LAMA3: variants seen among roughly 807,000 people sequenced by gnomAD.
LAMA3 encodes the protein laminin subunit alpha-3.
LAMA3 carries 281 observed loss-of-function variants against 402.0 expected under a neutral mutation model. The ratio of observed to expected loss-of-function variants is 0.70; its 90% CI spans 0.63 to 0.77. The LOEUF (loss-of-function observed/expected upper bound fraction) is 0.77, where lower values mean the gene tolerates loss of function less well. Among genes scored for constraint, LAMA3 ranks in the 30% least tolerant of loss-of-function variants. The pLI, the probability that LAMA3 is intolerant of heterozygous loss-of-function variation, is 0.00. For synonymous variants in LAMA3, 1,431 were observed against 1,558.4 expected (o/e 0.92, Z 1.93); for missense variants, 3,840 against 4,215.5 (o/e 0.91, Z 2.47).
chr18:23,833,936 A>C lies in LAMA3; in HGVS notation c.2932A>C (p.Ser978Arg), dbSNP rs889704367. The C allele has an allele frequency of 6.2e-6, 10 of 1,614,096 alleles. No homozygotes were observed. The highest frequency in any genetic ancestry group is 1.1e-5 in the South Asian group (1 of 91,090). Residue 978 changes from serine to arginine, a missense_variant, in exon 24 of 75, where the codon AGC becomes CGC. This residue lies in a region of LAMA3 where 2,109 missense variants were observed against 2,376.0 expected (regional missense o/e 0.89). Coordinates refer to ENST00000313654, the MANE Select transcript of LAMA3 (RefSeq NM_198129.4). Reference protein sequence around the residue: ...QLFVVDVNVKSSGSVLAGQVN... With the variant: ...QLFVVDVNVKRSGSVLAGQVN... ...GTTTGTGGTTGATGTGAATGTGAAG[A>C]GCTCCGGGTCTGTTCTGGCAGGCCA...
chr18:23,695,796 CAAAAAAAAAAAAAAAAAAAAAAAA>C (rs58873998), intron 1 of LAMA3, among the ~76,000 whole-genome samples: 23 of 38,620 alleles, frequency 6.0e-4, no homozygotes, highest in African/African-American at 3.4e-4. Context: ...GACTCCATCT[CAAAAAAAAAAAAAAAAAAAAAAAA>C]AAAAAAAAAA....
intron 40 of LAMA3, among the ~76,000 whole-genome samples, chr18:23,883,153 G>C (rs895252232): frequency 3.9e-5 from 6 of 152,134 alleles, no homozygotes; most frequent in African/African-American, 1.4e-4. Flanking sequence ...GAGCAACCAG[G>C]ACCCAGATCC....
chr18:23,712,791 G>C (rs931063684), intron 1 of LAMA3, among the ~76,000 whole-genome samples: 4 of 151,206 alleles, frequency 2.6e-5, no homozygotes, highest in Non-Finnish European at 5.9e-5. Context: ...GCTAGGGGCA[G>C]AGCTACCTCT....
rs2081782750 is a variant in LAMA3, at chr18:23,920,200, A to G, written c.7924-735A>G. Among the ~76,000 whole-genome samples the G allele has an allele frequency of 2.0e-5, 3 of 152,166 alleles. No homozygotes were observed. The South Asian group carries it at 6.2e-4, about 32-fold the overall frequency. ...CGCATGCACCTGGTATAATGGAAGA[A>G]GAGGCAGGCTTGGCAGCCTGTAGGA... On this transcript the variant is annotated intron_variant, in intron 60 of 74. Coordinates refer to ENST00000313654, the MANE Select transcript of LAMA3 (RefSeq NM_198129.4).
chr18:23,896,807 A>G (rs908511945), intron 44 of LAMA3, among the ~76,000 whole-genome samples: 2 of 152,192 alleles, frequency 1.3e-5, no homozygotes, highest in African/African-American at 4.8e-5. Context: ...CTAAACTGCC[A>G]AAGTAAGACC....
chr18:23,715,980 T>C (rs576391487), intron 2 of LAMA3, among the ~76,000 whole-genome samples: 1 of 152,262 alleles, frequency 6.6e-6, no homozygotes, highest in Admixed American at 6.5e-5. Context: ...AAATTAGACC[T>C]CTCCTGAGAA....
chr18:23,711,904 T>C (rs1598625600), intron 1 of LAMA3, among the ~76,000 whole-genome samples: 1 of 152,216 alleles, frequency 6.6e-6, no homozygotes, highest in East Asian at 1.9e-4. Flanking sequence ...ATGTAAATCA[T>C]AAGCATTCCC....
At chr18:23,935,353 G>T (rs1246532633) in intron 67 of LAMA3, among the ~76,000 whole-genome samples, 4 of 152,242 alleles carry the variant, frequency 2.6e-5, no homozygotes, top group African/African-American at 9.6e-5. Context: ...GCAGAAATTT[G>T]GTGGGAGACT....
At chr18:23,783,962 G>A (rs1391485110) in intron 11 of LAMA3, 61 bp from the exon 12 acceptor site, 58 of 1,596,544 alleles carry the variant, frequency 3.6e-5, no homozygotes, top group Non-Finnish European at 4.8e-5. Flanking sequence ...TAGGGGAAGG[G>A]AGAAATTAAG....
intron 74 of LAMA3, among the ~76,000 whole-genome samples, 160 bp downstream of exon 74, chr18:23,953,269 C>G (rs2082984099): frequency 6.6e-6 from 1 of 151,086 alleles, no homozygotes; most frequent in African/African-American, 2.4e-5. Flanking sequence ...GAGCACTTGT[C>G]AGGTCAGCCC....
At chr18:23,695,800 A>C (rs1247304620) in intron 1 of LAMA3, among the ~76,000 whole-genome samples, 3 of 31,756 alleles carry the variant, frequency 9.4e-5, no homozygotes, top group Non-Finnish European at 3.0e-4. Flanking sequence ...CCATCTCAAA[A>C]AAAAAAAAAA....
At chr18:23,815,338 A>T in intron 16 of LAMA3, 98 bp downstream of exon 16, 1 of 1,356,998 alleles carries the variant, frequency 7.4e-7, no homozygotes, top group Non-Finnish European at 1.1e-6. Context: ...GTCATTCTAC[A>T]GTGCATGGTA....
Position 23,846,317 on chromosome 18 carries a change from T to A in LAMA3, c.3740T>A (p.Phe1247Tyr), listed in dbSNP as rs1395513584. The A allele has an allele frequency of 6.2e-7, 1 of 1,614,204 alleles. No homozygotes were observed. Among genetic ancestry groups the A allele is most frequent in the South Asian group, 1.1e-5 (1 of 91,078 alleles). ...CACAGCCCCCAGACAGCCTCCAGATTCTGTAAGAATTCCGCCAGGTCCCTG... is the reference window on the plus strand; with the variant it reads ...CACAGCCCCCAGACAGCCTCCAGATACTGTAAGAATTCCGCCAGGTCCCTG... ...FYLDPQTASRFCKNSARSLVA... is the reference protein window; with the variant it reads ...FYLDPQTASRYCKNSARSLVA... The change falls in exon 31 of 75, where the codon TTC (phenylalanine) becomes TAC (tyrosine). Residue 1247 changes from phenylalanine (F) to tyrosine (Y), a missense_variant. Physicochemically the swap from Phe to Tyr is conservative, Grantham distance 22 (BLOSUM62 3). Around this residue, in one of 3 missense-constraint regions of LAMA3, gnomAD observed 2,109 missense variants for 2,376.0 expected, o/e 0.89. Coordinates refer to ENST00000313654, the MANE Select transcript of LAMA3 (RefSeq NM_198129.4).
intron 72 of LAMA3, among the ~76,000 whole-genome samples, chr18:23,951,410 C>G (rs890911688): frequency 6.6e-6 from 1 of 152,076 alleles, no homozygotes; most frequent in South Asian, 2.1e-4. Context: ...CTGATGGGGG[C>G]GGGGTTTGGA....
Position 23,810,456 on chromosome 18 carries a change from G to A in LAMA3, c.1694G>A (p.Arg565Gln), listed in dbSNP as rs373414001. The A allele has an allele frequency of 1.5e-5, 25 of 1,613,962 alleles. No homozygotes were observed. In the East Asian group the frequency reaches 2.9e-4, roughly 19 times the overall value. ...CECRPGVTGQ[R>Q]CDRCLSGAYD... ...TGTCGGCCAGGAGTTACAGGACAGCGGTGTGACAGGTGTCTCTCAGGAGCT... is the reference window on the plus strand; with the variant it reads ...TGTCGGCCAGGAGTTACAGGACAGCAGTGTGACAGGTGTCTCTCAGGAGCT... The change falls in exon 13 of 75, where the codon CGG becomes CAG. Residue 565 changes from arginine (R) to glutamine (Q), a missense_variant. By Grantham distance (43) the Arg-to-Gln change is conservative. Around this residue, in one of 3 missense-constraint regions of LAMA3, gnomAD observed 2,109 missense variants for 2,376.0 expected, o/e 0.89. Coordinates refer to ENST00000313654, the MANE Select transcript of LAMA3 (RefSeq NM_198129.4).
rs2062248651 is a variant in LAMA3, at chr18:23,773,574, T to C, written c.1260T>C (p.Pro420=). Residue 420 remains proline (P), a synonymous_variant, in exon 9 of 75, where the codon CCT becomes CCC. Transcript: ENST00000313654. ...CTTATGGGGTTCCAGTGGATGCCCC[T>C]GATGGCTGCATCCGTAAGTTTCATT... ...YRPYGVPVDA[P]DGCIPCSCDP... The C allele has an allele frequency of 6.3e-7, 1 of 1,583,130 alleles. No individual in the cohort carries two copies. Among genetic ancestry groups the C allele is most frequent in the South Asian group, 1.1e-5 (1 of 87,354 alleles).
At chr18:23,793,621 C>T (rs2062705446) in intron 12 of LAMA3, among the ~76,000 whole-genome samples, 1 of 151,888 alleles carries the variant, frequency 6.6e-6, no homozygotes, top group South Asian at 2.1e-4. Context: ...TGGGGAAAAA[C>T]TCTTTCCTCT....
intron 70 of LAMA3, 199 bp downstream of exon 70, chr18:23,946,483 G>A (rs374911026): frequency 1.5e-6 from 1 of 647,558 alleles, no homozygotes. Flanking sequence ...TAAGGTGCAG[G>A]TTGAGACGCA....
At chr18:23,716,157 A>G (rs988052912) in intron 2 of LAMA3, among the ~76,000 whole-genome samples, 1 of 151,814 alleles carries the variant, frequency 6.6e-6, no homozygotes, top group African/African-American at 2.4e-5. Flanking sequence ...ATTACCTACC[A>G]TATCGATTTT....
Sources: allele counts gnomAD v4.1 joint callset (sites outside exome capture counted in the v4.1 genomes callset), GRCh38; gene constraint gnomAD v4.1.1; regional missense constraint gnomAD v4.1.1; transcripts MANE v1.5; gene names NCBI Gene and HGNC (gene_info 2026-07-23, HGNC 2026-07-21).